Variants in COG3 observed in about 807,000 individuals in gnomAD.
The protein encoded by COG3 is conserved oligomeric Golgi complex subunit 3.
COG3 carries 32 observed loss-of-function variants against 114.1 expected under a neutral mutation model. The observed-to-expected ratio is 0.28, with a 90% CI of 0.21 to 0.38. COG3 has a LOEUF of 0.38. Ranked by LOEUF, COG3 falls within the 10% of genes least tolerant of loss-of-function variation. COG3 has a pLI of 1.00. For synonymous variants in COG3, 352 were observed against 365.7 expected (o/e 0.96, Z 0.43); for missense variants, 813 against 973.2 (o/e 0.84, Z 2.19).
In COG3 at chr13:45,496,227, C is replaced by G. The variant is rs1407807053; in HGVS notation, c.1403C>G (p.Thr468Ser). The G allele has an allele frequency of 6.2e-7, 1 of 1,613,048 alleles. No individual in the cohort carries two copies. The highest frequency in any genetic ancestry group is 1.3e-5 in the African/African-American group (1 of 74,840). Reference sequence around the variant, plus strand: ...GTACAGGAGCGGCTCGTCTACCGAACCCACATCTATATTCAGACGGACATC... The same window carrying G: ...GTACAGGAGCGGCTCGTCTACCGAAGCCACATCTATATTCAGACGGACATC... ...EDVQERLVYRTHIYIQTDITG... is the reference protein window; with the variant it reads ...EDVQERLVYRSHIYIQTDITG... Residue 468 changes from threonine to serine, a missense_variant, in exon 13 of 23, where the codon ACC becomes AGC. Transcript: ENST00000349995.
chr13:45,509,562 T>G (rs1870626383), intron 14 of COG3, 130 bp from the exon 15 acceptor site: 2 of 1,002,118 alleles, frequency 2.0e-6, no homozygotes, highest in Admixed American at 2.3e-5. Context: ...AAAACTGAGG[T>G]GGGAAAAAAT....
chr13:45,529,465 CT>C (rs11286727), intron 20 of COG3, among the ~76,000 whole-genome samples: 22,215 of 146,220 alleles, frequency 0.15, 2,548 homozygotes, highest in African/African-American at 0.33. Context: ...CTGAAAATGA[CT>C]TTTTTTTTTT....
In COG3 at chr13:45,530,682, A is replaced by C. The variant is rs763119858; in HGVS notation, c.2359A>C (p.Asn787His). 6.3e-7 allele frequency: 1 copy of C among 1,581,500 alleles called. No individual in the cohort carries two copies. Among genetic ancestry groups the C allele is most frequent in the Non-Finnish European group, 8.7e-7 (1 of 1,150,498 alleles). Residue 787 changes from asparagine (N) to histidine (H), a missense_variant and splice_region_variant, in exon 22 of 23, where the codon AAT becomes CAT. Asn to His is a moderately conservative substitution (Grantham distance 68). This residue lies in a region of COG3 where 389 missense variants were observed against 542.6 expected (regional missense o/e 0.72). Coordinates refer to ENST00000349995, the MANE Select transcript of COG3 (RefSeq NM_031431.4). The part of the protein sequence containing the change: ...TEFILFKPVR[N>H]NIQQVFQKFH... ...AAGATCTCCTCTCCTCCTTTCTAAG[A>C]ATAATATTCAGCAAGTCTTCCAGAA... is the stretch of plus-strand genomic sequence containing the variant.
chr13:45,533,267 A>C lies in COG3; in HGVS notation c.2458-1435A>C, dbSNP rs9888522. On this transcript the variant is annotated intron_variant, in intron 22 of 22. Coordinates refer to ENST00000349995, the MANE Select transcript of COG3 (RefSeq NM_031431.4). The stretch of plus-strand genomic sequence containing the variant: ...GTCACTTGCATGAATGTAGATGTGG[A>C]GTACTTGATCATAAGATCCATTTTA... 8.9e-3 allele frequency among the ~76,000 whole-genome samples: 1,354 copies of C among 151,886 alleles called. 19 individuals carry two copies. Among genetic ancestry groups the C allele is most frequent in the African/African-American group, 0.031 (1,287 of 41,374 alleles).
intron 8 of COG3, 88 bp downstream of exon 8, chr13:45,486,663 A>G (rs1886689802): frequency 2.5e-6 from 2 of 809,182 alleles, no homozygotes; most frequent in Non-Finnish European, 4.4e-6. Context: ...CTCTTTGTTT[A>G]TACCGAGGAA....
rs367718086 is a variant in COG3 at position 45,528,143 on chromosome 13, A to G, written c.2231-1648A>G. On this transcript the variant is annotated intron_variant, in intron 20 of 22. Coordinates refer to ENST00000349995, the MANE Select transcript of COG3 (RefSeq NM_031431.4). ...ATAATAATATTGATTCTTGCAAAAT[A>G]TAGTAATTAAAAAAAATTAACCCTT... Among the ~76,000 whole-genome samples the G allele has an allele frequency of 2.6e-5, 4 of 152,352 alleles. No homozygotes were observed. The East Asian group carries it at 5.8e-4, about 22-fold the overall frequency.
intron 19 of COG3, among the ~76,000 whole-genome samples, chr13:45,521,189 A>G (rs1281859992): frequency 6.6e-6 from 1 of 152,208 alleles, no homozygotes; most frequent in Non-Finnish European, 1.5e-5. Flanking sequence ...ATAGAGGTTT[A>G]TGTAGAAAAT....
chr13:45,519,083 T>C lies in COG3; in HGVS notation c.2143T>C (p.Phe715Leu), dbSNP rs772571455. The C allele has an allele frequency of 1.2e-5, 19 of 1,614,108 alleles. No individual in the cohort carries two copies. The Admixed American group carries it at 3.0e-4, about 25-fold the overall frequency. ...TKLFVEQLEE[F>L]MTKVSALKTM... ...GCTGTTTGTAGAACAGCTGGAGGAG[T>C]TCATGACAAAGGTATAGACCTTGGT... Residue 715 changes from phenylalanine (F) to leucine (L), a missense_variant, in exon 19 of 23, where the codon TTC becomes CTC. Phe to Leu is a conservative substitution (Grantham distance 22, BLOSUM62 0). Transcript: ENST00000349995.
intron 1 of COG3, among the ~76,000 whole-genome samples, chr13:45,466,229 G>A (rs1407737574): frequency 6.6e-6 from 1 of 152,036 alleles, no homozygotes; most frequent in African/African-American, 2.4e-5. Context: ...AGTAGAGATG[G>A]GGTTTCGCCC....
At chr13:45,494,101 G>T (rs1054100759) in intron 12 of COG3, among the ~76,000 whole-genome samples, 7 of 152,048 alleles carry the variant, frequency 4.6e-5, no homozygotes, top group Admixed American at 3.3e-4. Context: ...GAGGTGGGTG[G>T]ATCACCTGAG....
At chr13:45,480,085 A>G in intron 3 of COG3, 40 bp from the exon 4 acceptor site, 1 of 1,520,684 alleles carries the variant, frequency 6.6e-7, no homozygotes, top group Non-Finnish European at 8.9e-7. Flanking sequence ...TTATTGGGGG[A>G]AAAGATTATT....
At chr13:45,482,340 C>T (rs368937705) in intron 5 of COG3, 41 bp from the exon 6 acceptor site, 43 of 1,048,092 alleles carry the variant, frequency 4.1e-5, no homozygotes, top group Admixed American at 8.2e-5. Flanking sequence ...TTATCTGTAT[C>T]ATTTTTTATG....
intron 14 of COG3, 144 bp from the exon 15 acceptor site, chr13:45,509,548 G>T: frequency 2.5e-6 from 2 of 813,120 alleles, no homozygotes; most frequent in Non-Finnish European, 3.9e-6. Flanking sequence ...GGGTATTCTT[G>T]ATGAAAACTG....
rs151186852 is a variant in COG3 at position 45,526,338 on chromosome 13, G to T, written c.2230+1287G>T. The stretch of plus-strand genomic sequence containing the variant: ...TGACCTCAGGCGATCCGCCCACCTC[G>T]ACCTCCCAAAATGCTGGGATTACAG... On this transcript the variant is annotated intron_variant, in intron 20 of 22. Coordinates refer to ENST00000349995, the MANE Select transcript of COG3 (RefSeq NM_031431.4). Among the ~76,000 whole-genome samples the T allele has an allele frequency of 1.3e-3, 204 of 151,756 alleles. 2 individuals carry two copies. The East Asian group carries it at 0.018, about 14-fold the overall frequency.
chr13:45,484,275 C>T (rs1174663295), intron 7 of COG3, among the ~76,000 whole-genome samples: 1 of 152,028 alleles, frequency 6.6e-6, no homozygotes. Flanking sequence ...GTTTAGGAAA[C>T]TAATAGCTCA....
intron 1 of COG3, among the ~76,000 whole-genome samples, chr13:45,474,151 C>CTCTT (rs1380085026): frequency 4.6e-4 from 38 of 81,984 alleles, no homozygotes; most frequent in African/African-American, 1.6e-3. Flanking sequence ...CTTTTTTACT[C>CTCTT]TTTTTTTTTT....
At chr13:45,524,615 T>C (rs1872506755) in intron 19 of COG3, among the ~76,000 whole-genome samples, 1 of 152,232 alleles carries the variant, frequency 6.6e-6, no homozygotes. Flanking sequence ...TAATTTAATA[T>C]TGACGTAACA....
At chr13:45,504,338 TTCC>T (rs1241484352) in intron 14 of COG3, among the ~76,000 whole-genome samples, 1 of 152,164 alleles carries the variant, frequency 6.6e-6, no homozygotes, top group African/African-American at 2.4e-5. Context: ...GGGCTGAAAT[TTCC>T]TCCTCTGCAA....
chr13:45,501,641 TAGAA>T (rs1403146568), intron 13 of COG3, among the ~76,000 whole-genome samples: 2 of 152,226 alleles, frequency 1.3e-5, no homozygotes, highest in Non-Finnish European at 2.9e-5. Context: ...AGGATTGTAT[TAGAA>T]AGAGATCTGG....
Sources: allele counts gnomAD v4.1 joint callset (sites outside exome capture counted in the v4.1 genomes callset), GRCh38; gene constraint gnomAD v4.1.1; regional missense constraint gnomAD v4.1.1; transcripts MANE v1.5; gene names NCBI Gene and HGNC (gene_info 2026-07-23, HGNC 2026-07-21).